Variants in NALF1 observed in about 807,000 individuals in gnomAD.
The protein encoded by NALF1 is NALCN channel auxiliary factor 1.
A neutral mutation model predicts 48.4 loss-of-function variants in NALF1; 3 were observed. That is an observed-to-expected ratio of 0.06 (90% CI 0.03 to 0.16). The LOEUF is 0.16. NALF1 is among the 10% of genes least tolerant of loss of function. The pLI is 1.00. For synonymous variants in NALF1, 262 were observed against 245.7 expected, an observed-to-expected ratio of 1.07 and a Z score of -0.62; for missense variants, 526 against 571.5, an observed-to-expected ratio of 0.92 and a Z score of 0.81.
In NALF1 at chr13:107,169,613, G is replaced by A. The variant is rs1566439489; in HGVS notation, c.*884C>T. On this transcript the variant is annotated 3_prime_UTR_variant, in exon 3 of 3. Coordinates refer to ENST00000375915, the MANE Select transcript of NALF1 (RefSeq NM_001080396.3). ...CTGGGCCACTTGGGGATGGGAACTGGAGCAATACAGTTCATGATAGTTTTT... is the reference window on the plus strand; with the variant it reads ...CTGGGCCACTTGGGGATGGGAACTGAAGCAATACAGTTCATGATAGTTTTT... 1.3e-5 allele frequency: 2 copies of A among 152,242 alleles called. No homozygotes were observed. The highest frequency in any genetic ancestry group is 2.1e-4 in the South Asian group (1 of 4,834). The allele number at this position is 152,242 out of a possible 1,614,324, so 9.4% of individuals were successfully genotyped here.
intron 2 of NALF1, among the ~76,000 whole-genome samples, chr13:107,210,079 C>CACACAA (rs1349230805): frequency 2.6e-5 from 4 of 151,862 alleles, no homozygotes; most frequent in African/African-American, 9.7e-5. Context: ...GACACACACA[C>CACACAA]ACACACACGT....
chr13:107,656,294 C>A (rs1204636680), intron 1 of NALF1, among the ~76,000 whole-genome samples: 11 of 151,926 alleles, frequency 7.2e-5, no homozygotes, highest in African/African-American at 2.7e-4. Flanking sequence ...CTACAAAGAA[C>A]TCAAAATAAT....
intron 1 of NALF1, among the ~76,000 whole-genome samples, chr13:107,819,270 C>T (rs1315825929): frequency 2.6e-5 from 4 of 152,140 alleles, no homozygotes; most frequent in Non-Finnish European, 5.9e-5. Flanking sequence ...GTAATGTTTA[C>T]CCTGGACTCC....
chr13:107,262,724 G>C (rs987702479), intron 1 of NALF1, among the ~76,000 whole-genome samples: 1 of 150,594 alleles, frequency 6.6e-6, no homozygotes, highest in Non-Finnish European at 1.5e-5. Context: ...TTATCAGGGT[G>C]AAAGACATCC....
intron 1 of NALF1, among the ~76,000 whole-genome samples, chr13:107,508,935 A>G (rs537055421): frequency 3.3e-5 from 5 of 152,228 alleles, no homozygotes; most frequent in Non-Finnish European, 5.9e-5. Context: ...GCCTTTTGTT[A>G]GAGAACACTG....
intron 1 of NALF1, among the ~76,000 whole-genome samples, chr13:107,735,918 C>T (rs565259388): frequency 1.3e-5 from 2 of 152,268 alleles, no homozygotes; most frequent in Admixed American, 6.5e-5. Flanking sequence ...GAGCTTCTAA[C>T]TATTTTTTTA....
chr13:107,422,956 G>A (rs7993056), intron 1 of NALF1, among the ~76,000 whole-genome samples: 10,890 of 152,064 alleles, frequency 0.072, 1,265 homozygotes, highest in African/African-American at 0.25. Flanking sequence ...TTCCTAGAGC[G>A]TCCAACAGGA....
chr13:107,210,868 C>T (rs1041492886), intron 1 of NALF1, 113 bp from the exon 2 acceptor site: 19 of 671,134 alleles, frequency 2.8e-5, no homozygotes, highest in Admixed American at 1.6e-4. Flanking sequence ...CTAAGAGAGC[C>T]CTCATTGTGA....
At chr13:107,248,448 T>C (rs1880630096) in intron 1 of NALF1, among the ~76,000 whole-genome samples, 1 of 151,688 alleles carries the variant, frequency 6.6e-6, no homozygotes, top group Admixed American at 6.6e-5. Flanking sequence ...AATCCATTCA[T>C]AAACCTAAAT....
chr13:107,444,895 C>T (rs2057504), intron 1 of NALF1, among the ~76,000 whole-genome samples: 99,080 of 152,074 alleles, frequency 0.65, 33,459 homozygotes, highest in Middle Eastern at 0.8. Flanking sequence ...ACTTCATCTA[C>T]TCCTACAAAC....
intron 1 of NALF1, among the ~76,000 whole-genome samples, chr13:107,515,858 TG>T (rs1876035301): frequency 6.6e-6 from 1 of 152,142 alleles, no homozygotes; most frequent in African/African-American, 2.4e-5. Flanking sequence ...ACTTGCAGGA[TG>T]GAAACGTAGG....
rs913147609 is a variant in NALF1 at position 107,645,934 on chromosome 13, G to A, written c.915+219748C>T. On this transcript the variant is annotated intron_variant, in intron 1 of 2. Transcript: ENST00000375915. ...GAGGTTGCAGTAAGTTCAGATGCTC[G>A]TTCTGACTCTTGGTAGCCACTCTCA... Among the ~76,000 whole-genome samples, 10 of 152,100 alleles carry A rather than the reference G, an allele frequency of 6.6e-5. No individual in the cohort carries two copies. In the South Asian group the frequency reaches 1.2e-3, roughly 19 times the overall value.
intron 1 of NALF1, among the ~76,000 whole-genome samples, chr13:107,468,183 G>C (rs987182691): frequency 6.6e-5 from 10 of 152,040 alleles, no homozygotes; most frequent in Admixed American, 3.3e-4. Context: ...AATTTCTGAT[G>C]TATTTTACAA....
intron 1 of NALF1, among the ~76,000 whole-genome samples, chr13:107,218,862 A>ATTATTTAAAAGTAT (rs1879933256): frequency 6.6e-6 from 1 of 152,204 alleles, no homozygotes; most frequent in Non-Finnish European, 1.5e-5. Context: ...ATTTAAACGG[A>ATTATTTAAAAGTAT]CACACTACTT....
intron 1 of NALF1, among the ~76,000 whole-genome samples, chr13:107,813,052 G>A (rs1298973414): frequency 6.6e-6 from 1 of 152,000 alleles, no homozygotes; most frequent in African/African-American, 2.4e-5. Context: ...ACCACGCCTG[G>A]ATAACATTAT....
chr13:107,345,411 C>A (rs1281042383), intron 1 of NALF1, among the ~76,000 whole-genome samples: 1 of 152,098 alleles, frequency 6.6e-6, no homozygotes, highest in East Asian at 1.9e-4. Flanking sequence ...AAACACATTG[C>A]AAATTAAGAG....
At chr13:107,172,033 A>G (rs989498695) in intron 2 of NALF1, among the ~76,000 whole-genome samples, 10 of 152,284 alleles carry the variant, frequency 6.6e-5, no homozygotes, top group Non-Finnish European at 1.2e-4. Context: ...CTCTCTCTCC[A>G]GGCTCACTGC....
intron 1 of NALF1, among the ~76,000 whole-genome samples, chr13:107,812,113 T>C (rs1478881643): frequency 2.0e-5 from 3 of 152,276 alleles, no homozygotes; most frequent in Non-Finnish European, 2.9e-5. Flanking sequence ...CATTTTAAAA[T>C]TGATCAAATC....
intron 1 of NALF1, among the ~76,000 whole-genome samples, chr13:107,338,928 C>A (rs562475760): frequency 6.6e-6 from 1 of 151,790 alleles, no homozygotes; most frequent in South Asian, 2.1e-4. Context: ...GTCAGGAGGT[C>A]GAGTCCATCC....
Sources: gnomAD v4.1 joint callset for allele counts (sites outside exome capture counted in the v4.1 genomes callset) on GRCh38, gnomAD v4.1.1 for gene constraint, MANE v1.5 for transcripts, NCBI Gene and HGNC (gene_info 2026-07-23, HGNC 2026-07-21) for gene names.